NRF1: variants seen among roughly 807,000 people sequenced by gnomAD.
NRF1 encodes the protein nuclear respiratory factor 1.
In NRF1, 5 loss-of-function variants were observed where a neutral mutation model predicts 58.5. The observed-to-expected ratio is 0.09, with a 90% confidence interval of 0.04 to 0.18. The LOEUF (loss-of-function observed/expected upper bound fraction) is 0.18. Among genes scored for constraint, NRF1 ranks in the 10% least tolerant of loss-of-function variants. The pLI is 1.00. For missense variants in NRF1, 288 were observed against 657.7 expected (o/e 0.44, Z 6.15); for synonymous variants, 224 against 246.7 (o/e 0.91, Z 0.86).
rs199945725 is a variant in NRF1 at position 129,619,459 on chromosome 7, C to CGTGTGT, written c.-7+7662_-7+7667dup. On this transcript the variant is annotated intron_variant, in intron 1 of 10. Coordinates refer to ENST00000393232, the MANE Select transcript of NRF1 (RefSeq NM_005011.5). ...ACACACACACACACATATATATACA[C>CGTGTGT]GTGTGTGTGTGTGTGTGTGTGTGTG... Among the ~76,000 whole-genome samples the CGTGTGT allele has an allele frequency of 1.1e-3, 70 of 61,156 alleles. 4 individuals carry two copies. The highest frequency in any genetic ancestry group is 4.9e-3 in the African/African-American group (66 of 13,380). The allele number at this position is 61,156 out of a possible 152,430, so 40.1% of individuals were successfully genotyped here.
At chr7:129,744,111 T>C (rs1268541087) in intron 10 of NRF1, 3 of 1,427,520 alleles carry the variant, frequency 2.1e-6, no homozygotes, top group Admixed American at 2.2e-5. Flanking sequence ...GCGGGGCTGG[T>C]GGCCCATCTT....
At chr7:129,687,259 C>T (rs1258032930) in intron 4 of NRF1, among the ~76,000 whole-genome samples, 1 of 149,842 alleles carries the variant, frequency 6.7e-6, no homozygotes, top group Non-Finnish European at 1.5e-5. Context: ...CAAGCAGCAA[C>T]AGGTTTGATG....
At position 129,680,199 on chromosome 7, in the gene NRF1, T is replaced by G. The variant is rs183445384; in HGVS notation, c.465+2441T>G. On this transcript the variant is annotated intron_variant, in intron 4 of 10. Transcript: ENST00000393232. Reference sequence around the variant, plus strand: ...TATCATTAATCATTATTATAGTCATTTATCATTAATAATCACATTTCGATT... The same window carrying G: ...TATCATTAATCATTATTATAGTCATGTATCATTAATAATCACATTTCGATT... Among the ~76,000 whole-genome samples the G allele has an allele frequency of 3.1e-4, 47 of 152,284 alleles. No homozygotes were observed. The East Asian group carries it at 6.6e-3, about 21-fold the overall frequency.
chr7:129,720,348 G>A (rs904470251), intron 9 of NRF1, among the ~76,000 whole-genome samples: 8 of 152,156 alleles, frequency 5.3e-5, no homozygotes, highest in Admixed American at 3.3e-4. Flanking sequence ...TAAGAAACAA[G>A]CCCTTAACAT....
At chr7:129,652,720 A>G (rs1426658347) in intron 1 of NRF1, among the ~76,000 whole-genome samples, 2 of 152,134 alleles carry the variant, frequency 1.3e-5, no homozygotes, top group African/African-American at 4.8e-5. Context: ...CCTCCCGAGT[A>G]GCTGGGACTG....
intron 1 of NRF1, among the ~76,000 whole-genome samples, chr7:129,652,798 T>A (rs954968421): frequency 5.6e-4 from 86 of 152,298 alleles, no homozygotes; most frequent in Middle Eastern, 3.4e-3. Flanking sequence ...TTCACCATGT[T>A]AGCCAGGATG....
chr7:129,622,024 G>T (rs1201045280), intron 1 of NRF1, among the ~76,000 whole-genome samples: 2 of 151,880 alleles, frequency 1.3e-5, no homozygotes, highest in African/African-American at 4.8e-5. Flanking sequence ...CTTGTAATCT[G>T]CCCGCCTCGG....
chr7:129,621,678 A>G lies in NRF1; in HGVS notation c.-7+9854A>G, dbSNP rs75614223. ...AGGTGCTAAGTCTAAAGAAGAAGTA[A>G]TTCTGATATGTTACCAGAATTATGT... is the stretch of plus-strand genomic sequence containing the variant. On this transcript the variant is annotated intron_variant, in intron 1 of 10. Transcript: ENST00000393232. 4.1e-4 allele frequency among the ~76,000 whole-genome samples: 62 copies of G among 152,296 alleles called. No individual in the cohort carries two copies. The East Asian group carries it at 0.012, about 29-fold the overall frequency.
At chr7:129,734,989 G>T in intron 10 of NRF1, 1 of 887,170 alleles carries the variant, frequency 1.1e-6, no homozygotes, top group Non-Finnish European at 1.4e-6. Context: ...GAAAGGGTCA[G>T]GGGCGTGTTC....
chr7:129,733,845 G>A (rs1803644204), intron 10 of NRF1, among the ~76,000 whole-genome samples: 2 of 152,166 alleles, frequency 1.3e-5, no homozygotes, highest in South Asian at 4.2e-4. Context: ...GCAACATGGT[G>A]AAACCCTGTT....
chr7:129,689,203 C>T (rs1802509175), intron 4 of NRF1, among the ~76,000 whole-genome samples: 1 of 152,142 alleles, frequency 6.6e-6, no homozygotes, highest in Non-Finnish European at 1.5e-5. Flanking sequence ...GCAGAAGTTG[C>T]ACCATGTAGC....
intron 1 of NRF1, among the ~76,000 whole-genome samples, chr7:129,640,379 G>A (rs955028767): frequency 3.3e-5 from 5 of 151,948 alleles, no homozygotes; most frequent in Admixed American, 6.6e-5. Flanking sequence ...TTAGCTGGGC[G>A]TGGTGGCTCC....
chr7:129,673,735 A>AG (rs397942215), intron 3 of NRF1, among the ~76,000 whole-genome samples: 2 of 150,774 alleles, frequency 1.3e-5, no homozygotes, highest in Non-Finnish European at 3.0e-5. Context: ...AAAAAAAAAA[A>AG]GCTGTTTTCG....
intron 5 of NRF1, among the ~76,000 whole-genome samples, chr7:129,696,127 C>G (rs1802692546): frequency 6.7e-6 from 1 of 149,226 alleles, no homozygotes; most frequent in Non-Finnish European, 1.5e-5. Flanking sequence ...GCCTGTAATC[C>G]CAGCTACTCA....
intron 1 of NRF1, among the ~76,000 whole-genome samples, chr7:129,654,889 G>T (rs574811420): frequency 2.2e-4 from 34 of 152,280 alleles, no homozygotes; most frequent in African/African-American, 8.2e-4. Context: ...AAGTTGTGTG[G>T]TATCAGTCTT....
At chr7:129,734,128 C>T (rs977144952) in intron 10 of NRF1, among the ~76,000 whole-genome samples, 8 of 152,210 alleles carry the variant, frequency 5.3e-5, no homozygotes, top group Non-Finnish European at 1.0e-4. Context: ...TTCTGTCTCT[C>T]AATCCTGTTG....
At chr7:129,718,624 A>G (rs1012162505) in intron 9 of NRF1, among the ~76,000 whole-genome samples, 3 of 152,222 alleles carry the variant, frequency 2.0e-5, no homozygotes, top group African/African-American at 4.8e-5. Context: ...ATTGAATTGT[A>G]TGGTAAAGAC....
chr7:129,744,890 G>A (rs1300360274), intron 10 of NRF1, among the ~76,000 whole-genome samples: 5 of 151,602 alleles, frequency 3.3e-5, no homozygotes, highest in Non-Finnish European at 7.4e-5. Context: ...TTGCCTCAGC[G>A]TATCCCTGCT....
intron 1 of NRF1, among the ~76,000 whole-genome samples, chr7:129,639,828 G>A (rs1026439542): frequency 6.6e-6 from 1 of 151,980 alleles, no homozygotes; most frequent in Admixed American, 6.6e-5. Context: ...GATTACAGGC[G>A]TGAGCCACTG....
Sources: allele counts gnomAD v4.1 joint callset (sites outside exome capture counted in the v4.1 genomes callset), GRCh38; gene constraint gnomAD v4.1.1; transcripts MANE v1.5; gene names NCBI Gene and HGNC (gene_info 2026-07-23, HGNC 2026-07-21).